Variants in KCNT2 observed in about 807,000 individuals in gnomAD.
The protein encoded by KCNT2 is potassium sodium-activated channel subfamily T member 2, also known as potassium channel subfamily T member 2.
KCNT2 carries 67 observed loss-of-function variants against 153.8 expected under a neutral mutation model. The ratio of observed to expected loss-of-function variants is 0.44; its 90% CI spans 0.36 to 0.53. KCNT2 has a LOEUF of 0.53. Ranked by LOEUF, KCNT2 falls within the 20% of genes least tolerant of loss-of-function variation. The probability of loss-of-function intolerance (pLI) is 0.00; values close to 1 mark genes in which losing one functional copy is unlikely to be tolerated. For synonymous variants in KCNT2, 500 were observed against 458.8 expected (o/e 1.09, Z -1.15); for missense variants, 975 against 1,354.8 (o/e 0.72, Z 4.40).
chr1:196,332,121 C>T (rs1034895928), intron 17 of KCNT2, among the ~76,000 whole-genome samples: 2 of 152,052 alleles, frequency 1.3e-5, no homozygotes, highest in African/African-American at 4.8e-5. Flanking sequence ...CTAGTTAAAA[C>T]TATTTTATCT....
At chr1:196,273,318 G>GA in intron 25 of KCNT2, 1 of 545,424 alleles carries the variant, frequency 1.8e-6, no homozygotes, top group Admixed American at 3.5e-5. Flanking sequence ...AATTTGAAAA[G>GA]AAAACATTTA....
chr1:196,351,008 A>G (rs1364579190), intron 14 of KCNT2, among the ~76,000 whole-genome samples: 1 of 152,090 alleles, frequency 6.6e-6, no homozygotes, highest in African/African-American at 2.4e-5. Context: ...AAGATCAGAT[A>G]GTTGTAGATA....
chr1:196,541,708 A>T (rs917266917), intron 1 of KCNT2, among the ~76,000 whole-genome samples: 1 of 152,132 alleles, frequency 6.6e-6, no homozygotes, highest in African/African-American at 2.4e-5. Context: ...GTTACACTTG[A>T]GTGTCACTTT....
chr1:196,585,085 C>T (rs900044541), intron 1 of KCNT2, among the ~76,000 whole-genome samples: 2 of 151,782 alleles, frequency 1.3e-5, no homozygotes, highest in Admixed American at 6.6e-5. Context: ...GAGTACAATA[C>T]GATGTAGAAG....
chr1:196,378,278 C>A (rs1224874643), intron 13 of KCNT2, among the ~76,000 whole-genome samples: 1 of 152,136 alleles, frequency 6.6e-6, no homozygotes, highest in Non-Finnish European at 1.5e-5. Flanking sequence ...TTACAACTTT[C>A]TTCCTCTACT....
chr1:196,500,895 C>A (rs1430609607), intron 1 of KCNT2, among the ~76,000 whole-genome samples: 3 of 152,096 alleles, frequency 2.0e-5, no homozygotes, highest in Non-Finnish European at 4.4e-5. Flanking sequence ...AGGATATGAA[C>A]AGACATTTTT....
At position 196,510,859 on chromosome 1, in the gene KCNT2, G is replaced by A. The variant is rs770575075; in HGVS notation, c.96-18518C>T. ...TCCACTTCTAGAGAATCCAACCAGA[G>A]GCATTAGCAATTACCTTTTATTAGA... On this transcript the variant is annotated intron_variant, in intron 1 of 27. Transcript: ENST00000294725. 3.4e-4 allele frequency among the ~76,000 whole-genome samples: 51 copies of A among 152,094 alleles called. 1 individual carries two copies. Among genetic ancestry groups the A allele is most frequent in the Non-Finnish European group, 8.8e-5 (6 of 68,018 alleles).
At position 196,444,602 on chromosome 1, in the gene KCNT2, G is replaced by A. The variant is rs556596971; in HGVS notation, c.639-14845C>T. On this transcript the variant is annotated intron_variant, in intron 8 of 27. Transcript: ENST00000294725. Reference sequence around the variant, plus strand: ...AGTCAACTGTAAAATGCATTACTCTGGTGCAGTATGATCATAAACAAAAGC... The same window carrying A: ...AGTCAACTGTAAAATGCATTACTCTAGTGCAGTATGATCATAAACAAAAGC... 1.8e-4 allele frequency among the ~76,000 whole-genome samples: 27 copies of A among 151,302 alleles called. No individual in the cohort carries two copies. In the South Asian group the frequency reaches 4.8e-3, roughly 27 times the overall value.
chr1:196,513,335 G>T (rs1435320365), intron 1 of KCNT2, among the ~76,000 whole-genome samples: 2 of 152,170 alleles, frequency 1.3e-5, no homozygotes, highest in Non-Finnish European at 2.9e-5. Context: ...ACAACTATCA[G>T]CATGCAGAGG....
intron 1 of KCNT2, among the ~76,000 whole-genome samples, chr1:196,589,046 T>G (rs1430344135): frequency 1.3e-5 from 2 of 151,894 alleles, no homozygotes; most frequent in Non-Finnish European, 2.9e-5. Flanking sequence ...AACACCTAAT[T>G]AAATAAACAC....
chr1:196,570,887 T>TA (rs1274845253), intron 1 of KCNT2, among the ~76,000 whole-genome samples: 3 of 152,072 alleles, frequency 2.0e-5, no homozygotes, highest in Non-Finnish European at 2.9e-5. Flanking sequence ...CCTATTCCAC[T>TA]AAAAAATCAA....
intron 3 of KCNT2, among the ~76,000 whole-genome samples, chr1:196,485,462 T>A (rs1008124736): frequency 6.6e-6 from 1 of 152,048 alleles, no homozygotes; most frequent in African/African-American, 2.4e-5. Flanking sequence ...TACAATCAAC[T>A]TCGTATTTTT....
chr1:196,395,929 G>T (rs906253035), intron 13 of KCNT2, among the ~76,000 whole-genome samples: 1 of 151,600 alleles, frequency 6.6e-6, no homozygotes, highest in African/African-American at 2.4e-5. Flanking sequence ...ACAAGGACAA[G>T]AATATCATAA....
intron 5 of KCNT2, among the ~76,000 whole-genome samples, chr1:196,478,840 C>A (rs1678761441): frequency 6.6e-6 from 1 of 152,134 alleles, no homozygotes; most frequent in East Asian, 1.9e-4. Flanking sequence ...TAAAATAATT[C>A]CTAAGAGACA....
intron 25 of KCNT2, among the ~76,000 whole-genome samples, chr1:196,270,650 G>A (rs1296881491): frequency 6.6e-6 from 1 of 151,942 alleles, no homozygotes; most frequent in Non-Finnish European, 1.5e-5. Flanking sequence ...ACTTAGCAGT[G>A]CAATTTATAA....
At chr1:196,361,091 G>A (rs1438372038) in intron 14 of KCNT2, among the ~76,000 whole-genome samples, 2 of 152,012 alleles carry the variant, frequency 1.3e-5, no homozygotes, top group Non-Finnish European at 2.9e-5. Flanking sequence ...GACATAGTTA[G>A]TTGAACAGCA....
intron 16 of KCNT2, among the ~76,000 whole-genome samples, chr1:196,335,817 C>G (rs923672921): frequency 1.3e-5 from 2 of 152,116 alleles, no homozygotes; most frequent in Non-Finnish European, 2.9e-5. Flanking sequence ...TCAGGTCACT[C>G]TCACTGATTT....
At chr1:196,595,895 C>T (rs992042216) in intron 1 of KCNT2, among the ~76,000 whole-genome samples, 3 of 151,788 alleles carry the variant, frequency 2.0e-5, no homozygotes, top group Non-Finnish European at 4.4e-5. Flanking sequence ...TAGGCCTTTG[C>T]ATCCTCATAG....
At chr1:196,408,164 CT>C (rs1163881469) in intron 12 of KCNT2, among the ~76,000 whole-genome samples, 1 of 151,544 alleles carries the variant, frequency 6.6e-6, no homozygotes, top group Non-Finnish European at 1.5e-5. Context: ...CTTCCACAAG[CT>C]CTTTTCACTA....
Sources: gnomAD v4.1 joint callset for allele counts (sites outside exome capture counted in the v4.1 genomes callset) on GRCh38, gnomAD v4.1.1 for gene constraint, MANE v1.5 for transcripts, NCBI Gene and HGNC (gene_info 2026-07-23, HGNC 2026-07-21) for gene names.